Variants in ABAT observed in about 807,000 individuals in gnomAD.
ABAT encodes the protein 4-aminobutyrate aminotransferase, mitochondrial.
Under a neutral mutation model 64.6 loss-of-function variants are expected in ABAT, and 45 were observed. The ratio of observed to expected loss-of-function variants is 0.70; its 90% CI spans 0.55 to 0.89. The LOEUF is 0.89. ABAT is among the 40% of genes least tolerant of loss of function. The pLI is 0.00. For synonymous variants in ABAT, 297 were observed against 250.5 expected (o/e 1.19, Z -1.75); for missense variants, 633 against 658.4 (o/e 0.96, Z 0.42).
At chr16:8,746,194 T>C in intron 3 of ABAT, 96 bp downstream of exon 3, 1 of 889,410 alleles carries the variant, frequency 1.1e-6, no homozygotes, top group South Asian at 1.4e-5. Context: ...GTATTGATTG[T>C]CAGCTGCTTT....
chr16:8,687,265 C>T (rs2057476439), intron 1 of ABAT, among the ~76,000 whole-genome samples: 1 of 152,186 alleles, frequency 6.6e-6, no homozygotes, highest in African/African-American at 2.4e-5. Flanking sequence ...GAGCTCCGGT[C>T]TGTAATCCCA....
Position 8,741,496 on chromosome 16 carries a change from T to C in ABAT, c.71-4505T>C, listed in dbSNP as rs139890343. Among the ~76,000 whole-genome samples the C allele has an allele frequency of 4.0e-3, 605 of 152,358 alleles. 8 individuals carry two copies. Among genetic ancestry groups the C allele is most frequent in the African/African-American group, 0.014 (570 of 41,580 alleles). On this transcript the variant is annotated intron_variant, in intron 2 of 15. Transcript: ENST00000268251. ...TCTGTAATGTAAGAATAATAACATT[T>C]ACCTCATAGGAGTTTGTGAGAATTA...
At chr16:8,780,774 A>C (rs954550530) in intron 15 of ABAT, 4 of 190,698 alleles carry the variant, frequency 2.1e-5, no homozygotes, top group Non-Finnish European at 4.3e-5. Context: ...AAAAAAAAAA[A>C]AAAAAAAGGC....
At chr16:8,729,791 C>T (rs2058665272) in intron 1 of ABAT, among the ~76,000 whole-genome samples, 1 of 147,194 alleles carries the variant, frequency 6.8e-6, no homozygotes, top group South Asian at 2.2e-4. Flanking sequence ...CACGCCACTG[C>T]TCTCTAGTCT....
intron 1 of ABAT, among the ~76,000 whole-genome samples, chr16:8,688,887 C>A (rs1420999885): frequency 6.6e-6 from 1 of 152,186 alleles, no homozygotes; most frequent in African/African-American, 2.4e-5. Context: ...ACCAGCCTGG[C>A]CACCATAGTG....
At chr16:8,691,777 G>A (rs1404098299) in intron 1 of ABAT, among the ~76,000 whole-genome samples, 1 of 152,162 alleles carries the variant, frequency 6.6e-6, no homozygotes, top group Non-Finnish European at 1.5e-5. Context: ...GATGCTTTTG[G>A]TTGTTACAAC....
rs1415350043 is a variant in ABAT, at chr16:8,782,821, G to C, written c.*1391G>C. The C allele has an allele frequency of 6.6e-6, 1 of 152,228 alleles. No homozygotes were observed. The highest frequency in any genetic ancestry group is 2.4e-5 in the African/African-American group (1 of 41,450). 9.4% of individuals were successfully genotyped at this position (152,228 alleles called of 1,614,324 possible). On this transcript the variant is annotated 3_prime_UTR_variant, in exon 16 of 16. Transcript: ENST00000268251. ...GCTTGTATTATCTGTCCAAAAGGAA[G>C]CCTCTTCATCTCCCGGTGCCTTGGT...
chr16:8,777,482 G>A (rs1041705116), intron 14 of ABAT, among the ~76,000 whole-genome samples: 5 of 152,156 alleles, frequency 3.3e-5, no homozygotes, highest in African/African-American at 1.2e-4. Context: ...CCCCCTTCTT[G>A]TCTTTAGCAG....
intron 1 of ABAT, among the ~76,000 whole-genome samples, chr16:8,728,260 G>C (rs1300113368): frequency 6.6e-6 from 1 of 152,162 alleles, no homozygotes; most frequent in Non-Finnish European, 1.5e-5. Flanking sequence ...TTTGTTATAA[G>C]GTCAATTTTC....
At chr16:8,717,802 T>C (rs2058254350) in intron 1 of ABAT, among the ~76,000 whole-genome samples, 1 of 152,044 alleles carries the variant, frequency 6.6e-6, no homozygotes, top group South Asian at 2.1e-4. Context: ...AAGAATTAAA[T>C]TAAAATCCCA....
chr16:8,752,330 G>C (rs2059512472), intron 5 of ABAT, among the ~76,000 whole-genome samples: 1 of 152,158 alleles, frequency 6.6e-6, no homozygotes, highest in African/African-American at 2.4e-5. Context: ...AGTTGTCCTG[G>C]GTTCAAATCC....
chr16:8,712,258 A>G (rs2058094120), intron 1 of ABAT, among the ~76,000 whole-genome samples: 2 of 152,108 alleles, frequency 1.3e-5, no homozygotes, highest in South Asian at 4.1e-4. Context: ...AGAAATTACT[A>G]TTTTTGTTTT....
chr16:8,690,189 G>A (rs1324618548), intron 1 of ABAT, among the ~76,000 whole-genome samples: 1 of 152,184 alleles, frequency 6.6e-6, no homozygotes, highest in Non-Finnish European at 1.5e-5. Flanking sequence ...GGTTCTGGCA[G>A]CAGCAGCATC....
At chr16:8,690,819 C>A (rs1379046742) in intron 1 of ABAT, among the ~76,000 whole-genome samples, 2 of 152,208 alleles carry the variant, frequency 1.3e-5, no homozygotes, top group African/African-American at 4.8e-5. Context: ...TTAAATGGGT[C>A]TGCCCCTTGT....
At position 8,694,481 on chromosome 16, in the gene ABAT, C is replaced by T. The variant is rs180731424; in HGVS notation, c.-42+19770C>T. The stretch of plus-strand genomic sequence containing the variant: ...CAATGGCTCACAATAGCCTTGAGCT[C>T]CTGGGCTTAAGCAATTCTCCCGAGC... On this transcript the variant is annotated intron_variant, in intron 1 of 15. Coordinates refer to ENST00000268251, the MANE Select transcript of ABAT (RefSeq NM_020686.6). Among the ~76,000 whole-genome samples, 8 of 152,232 alleles carry T rather than the reference C, an allele frequency of 5.3e-5. No individual in the cohort carries two copies. The East Asian group carries it at 1.2e-3, about 22-fold the overall frequency.
chr16:8,704,415 CTG>C (rs2057894377), intron 1 of ABAT, among the ~76,000 whole-genome samples: 1 of 152,332 alleles, frequency 6.6e-6, no homozygotes, highest in East Asian at 1.9e-4. Flanking sequence ...TGAAGTATCT[CTG>C]TGCCTATTAT....
At chr16:8,766,313 G>C in intron 9 of ABAT, 43 bp downstream of exon 9, 1 of 1,589,714 alleles carries the variant, frequency 6.3e-7, no homozygotes, top group African/African-American at 1.3e-5. Flanking sequence ...TGGGGAAGCT[G>C]CACAGCCTCT....
intron 1 of ABAT, chr16:8,713,046 T>A (rs970546926): frequency 2.0e-5 from 3 of 147,478 alleles, no homozygotes; most frequent in African/African-American, 7.6e-5. Flanking sequence ...AATGGGGGAG[T>A]TGGGTAATCG....
rs956984425 is a variant in ABAT at position 8,709,191 on chromosome 16, A to T, written c.-41-26508A>T. On this transcript the variant is annotated intron_variant, in intron 1 of 15. Transcript: ENST00000268251. ...ACACGTCAGGTTAAATAGAATTAAC[A>T]TTAATTTCTTTATTTTCAGTGCTTT... 3.3e-5 allele frequency among the ~76,000 whole-genome samples: 5 copies of T among 152,202 alleles called. No homozygotes were observed. The East Asian group carries it at 9.7e-4, about 29-fold the overall frequency.
Sources: allele counts gnomAD v4.1 joint callset (sites outside exome capture counted in the v4.1 genomes callset), GRCh38; gene constraint gnomAD v4.1.1; transcripts MANE v1.5; gene names NCBI Gene and HGNC (gene_info 2026-07-23, HGNC 2026-07-21).